NELL1: variants seen among roughly 807,000 people sequenced by gnomAD.
The protein encoded by NELL1 is neural EGFL like 1, also known as protein kinase C-binding protein NELL1.
Under a neutral mutation model 107.4 loss-of-function variants are expected in NELL1, and 76 were observed. The ratio of observed to expected loss-of-function variants is 0.71; its 90% confidence interval spans 0.59 to 0.86. NELL1 has a LOEUF of 0.86. Among genes scored for constraint, NELL1 ranks in the 40% least tolerant of loss-of-function variants. The probability of loss-of-function intolerance (pLI) is 0.00; values close to 1 mark genes in which losing one functional copy is unlikely to be tolerated. For missense variants in NELL1, 1,024 were observed against 1,005.5 expected, an observed-to-expected ratio of 1.02 and a Z score of -0.25; for synonymous variants, 353 against 341.2, an observed-to-expected ratio of 1.03 and a Z score of -0.38.
intron 14 of NELL1, among the ~76,000 whole-genome samples, chr11:21,326,467 T>G (rs1218596358): frequency 6.6e-6 from 1 of 152,052 alleles, no homozygotes; most frequent in Non-Finnish European, 1.5e-5. Context: ...CATTTTAAAT[T>G]TATGCATGTT....
At chr11:20,720,027 GT>G (rs552234871) in intron 2 of NELL1, among the ~76,000 whole-genome samples, 177 of 152,168 alleles carry the variant, frequency 1.2e-3, no homozygotes, top group Middle Eastern at 6.8e-3. Context: ...TCAAGGCTGA[GT>G]TTTTTTGTTT....
chr11:21,389,516 A>G (rs1284942799), intron 15 of NELL1, among the ~76,000 whole-genome samples: 1 of 151,798 alleles, frequency 6.6e-6, no homozygotes, highest in Non-Finnish European at 1.5e-5. Flanking sequence ...GAGTACAGAA[A>G]GAGGGAAAAG....
At chr11:21,182,329 A>T (rs1241965617) in intron 13 of NELL1, among the ~76,000 whole-genome samples, 1 of 151,412 alleles carries the variant, frequency 6.6e-6, no homozygotes, top group Admixed American at 6.6e-5. Context: ...AGCTACTCAG[A>T]GAGGCTGAGG....
chr11:21,385,621 T>C (rs1336724229), intron 15 of NELL1, among the ~76,000 whole-genome samples: 1 of 151,970 alleles, frequency 6.6e-6, no homozygotes, highest in African/African-American at 2.4e-5. Flanking sequence ...CCAGTCTTAC[T>C]CCTCCCTCAC....
chr11:21,223,974 T>C (rs894824008), intron 13 of NELL1, among the ~76,000 whole-genome samples: 3 of 152,206 alleles, frequency 2.0e-5, no homozygotes, highest in Non-Finnish European at 4.4e-5. Flanking sequence ...CTTTCATCAC[T>C]TTAAATGTAT....
intron 14 of NELL1, among the ~76,000 whole-genome samples, chr11:21,336,647 G>A (rs10833510): frequency 0.04 from 2,813 of 70,558 alleles, 33 homozygotes; most frequent in Non-Finnish European, 0.064. Context: ...CTTCATATGT[G>A]TGTGTATATA....
At chr11:21,417,038 C>T (rs894544366) in intron 15 of NELL1, among the ~76,000 whole-genome samples, 4 of 151,902 alleles carry the variant, frequency 2.6e-5, no homozygotes, top group African/African-American at 9.7e-5. Context: ...TCAGTGGGGA[C>T]ACAAACCAAG....
At chr11:20,783,559 T>C in intron 2 of NELL1, 121 bp from the exon 3 acceptor site, 1 of 638,766 alleles carries the variant, frequency 1.6e-6, no homozygotes, top group Middle Eastern at 3.9e-4. Context: ...TTTTTAACCA[T>C]GGATCTTTTT....
At chr11:21,070,733 T>G (rs1203008397) in intron 12 of NELL1, among the ~76,000 whole-genome samples, 2 of 152,146 alleles carry the variant, frequency 1.3e-5, no homozygotes, top group African/African-American at 4.8e-5. Context: ...TAGTTCATGA[T>G]GAGTTGCAGA....
At chr11:21,243,684 G>A (rs1858420338) in intron 14 of NELL1, among the ~76,000 whole-genome samples, 1 of 152,156 alleles carries the variant, frequency 6.6e-6, no homozygotes, top group South Asian at 2.1e-4. Context: ...AACCACATAT[G>A]TGATTTAAAA....
intron 5 of NELL1, among the ~76,000 whole-genome samples, chr11:20,896,776 A>G (rs1006698740): frequency 6.6e-6 from 1 of 152,168 alleles, no homozygotes; most frequent in African/African-American, 2.4e-5. Flanking sequence ...TAACAGACAA[A>G]CAGAGAGCCA....
chr11:21,016,776 C>T (rs1340091712), intron 12 of NELL1, among the ~76,000 whole-genome samples: 1 of 152,060 alleles, frequency 6.6e-6, no homozygotes, highest in Non-Finnish European at 1.5e-5. Context: ...CTATTCTAAA[C>T]TTAATAGCAC....
intron 12 of NELL1, among the ~76,000 whole-genome samples, chr11:21,081,968 G>A (rs1023933607): frequency 6.6e-6 from 1 of 152,084 alleles, no homozygotes; most frequent in Middle Eastern, 3.2e-3. Context: ...CAGGCCACTT[G>A]GCTTTAGAGC....
chr11:21,411,718 G>A (rs1295465761), intron 15 of NELL1, among the ~76,000 whole-genome samples: 1 of 151,992 alleles, frequency 6.6e-6, no homozygotes, highest in Non-Finnish European at 1.5e-5. Flanking sequence ...TTTTTAAAAA[G>A]ACGAGATTCA....
At chr11:21,229,785 G>A (rs904814017) in intron 14 of NELL1, among the ~76,000 whole-genome samples, 4 of 152,186 alleles carry the variant, frequency 2.6e-5, no homozygotes, top group African/African-American at 9.7e-5. Flanking sequence ...TTCCCCAAGG[G>A]CAAGTGGACA....
chr11:21,464,718 T>C (rs1364488540), intron 15 of NELL1, among the ~76,000 whole-genome samples: 1 of 152,152 alleles, frequency 6.6e-6, no homozygotes. Flanking sequence ...TCCCTTTAAC[T>C]ACTAGAGTGG....
chr11:20,714,417 A>G (rs1199890016), intron 2 of NELL1, among the ~76,000 whole-genome samples: 1 of 151,574 alleles, frequency 6.6e-6, no homozygotes, highest in Non-Finnish European at 1.5e-5. Context: ...CATGTTAGAC[A>G]GGCTGGTCTC....
intron 4 of NELL1, among the ~76,000 whole-genome samples, chr11:20,876,220 G>A (rs1042894980): frequency 2.0e-5 from 3 of 152,118 alleles, no homozygotes; most frequent in African/African-American, 7.2e-5. Flanking sequence ...ACCTGTTGGG[G>A]GCATACTGTA....
chr11:20,670,085 G>A (rs1037576381), intron 1 of NELL1, among the ~76,000 whole-genome samples: 1 of 152,134 alleles, frequency 6.6e-6, no homozygotes, highest in African/African-American at 2.4e-5. Context: ...CCAGGGAGTC[G>A]AAACCCGCAG....
Sources: gnomAD v4.1 joint callset for allele counts (sites outside exome capture counted in the v4.1 genomes callset) on GRCh38, gnomAD v4.1.1 for gene constraint, MANE v1.5 for transcripts, NCBI Gene and HGNC (gene_info 2026-07-23, HGNC 2026-07-21) for gene names.